Variants in LHFPL3 observed in about 807,000 individuals in gnomAD.
LHFPL3 encodes LHFPL tetraspan subfamily member 3.
A neutral mutation model predicts 19.3 loss-of-function variants in LHFPL3; 5 were observed. The observed-to-expected ratio is 0.26, with a 90% CI of 0.14 to 0.54. The LOEUF (loss-of-function observed/expected upper bound fraction) is 0.54, where lower values mean the gene tolerates loss of function less well. LHFPL3 is among the 20% of genes least tolerant of loss of function. The pLI is 0.94. For synonymous variants in LHFPL3, 133 were observed against 126.2 expected, an observed-to-expected ratio of 1.05 and a Z score of -0.36; for missense variants, 249 against 307.4, an observed-to-expected ratio of 0.81 and a Z score of 1.42.
At chr7:104,481,619 A>G (rs2115658790) in intron 1 of LHFPL3, among the ~76,000 whole-genome samples, 1 of 149,794 alleles carries the variant, frequency 6.7e-6, no homozygotes. Flanking sequence ...TGTCTAATTC[A>G]TCTGTCTCGG....
chr7:104,592,220 C>T (rs1344920166), intron 1 of LHFPL3, among the ~76,000 whole-genome samples: 1 of 152,118 alleles, frequency 6.6e-6, no homozygotes, highest in East Asian at 1.9e-4. Flanking sequence ...GAATTTTCAG[C>T]TTTTCTGCTC....
intron 2 of LHFPL3, among the ~76,000 whole-genome samples, chr7:104,828,466 C>CT (rs1584559708): frequency 6.6e-6 from 1 of 152,002 alleles, no homozygotes; most frequent in Non-Finnish European, 1.5e-5. Context: ...CCTCTGGTCT[C>CT]TTGTCTGAAA....
chr7:104,711,958 A>T (rs968450302), intron 1 of LHFPL3, among the ~76,000 whole-genome samples: 6 of 152,190 alleles, frequency 3.9e-5, no homozygotes, highest in Admixed American at 1.3e-4. Flanking sequence ...TGGTATACAG[A>T]ATAATCCTCC....
chr7:104,886,388 G>A (rs1297755125), intron 2 of LHFPL3, among the ~76,000 whole-genome samples: 1 of 152,068 alleles, frequency 6.6e-6, no homozygotes, highest in East Asian at 1.9e-4. Context: ...GTTTTTTTGA[G>A]ACAGTCTTGC....
intron 1 of LHFPL3, among the ~76,000 whole-genome samples, chr7:104,512,180 C>G (rs1270178960): frequency 1.3e-5 from 2 of 151,922 alleles, no homozygotes; most frequent in South Asian, 4.2e-4. Context: ...GTCTCAAAGT[C>G]CCAGCCTCAA....
chr7:104,757,867 A>G (rs1794313045), intron 2 of LHFPL3: 1 of 152,216 alleles, frequency 6.6e-6, no homozygotes, highest in Admixed American at 6.5e-5. Flanking sequence ...TACCCAGAGG[A>G]AAATAAATTG....
intron 1 of LHFPL3, among the ~76,000 whole-genome samples, chr7:104,606,861 C>G (rs997052627): frequency 6.6e-6 from 1 of 152,086 alleles, no homozygotes. Flanking sequence ...AAATGGTCCT[C>G]AGGCACTGAG....
intron 1 of LHFPL3, among the ~76,000 whole-genome samples, chr7:104,527,014 AC>A (rs1235989593): frequency 3.3e-5 from 5 of 152,214 alleles, no homozygotes; most frequent in African/African-American, 1.2e-4. Context: ...TGCTATTTAA[AC>A]AAAGGGTCAG....
At chr7:104,595,717 C>T (rs1047802648) in intron 1 of LHFPL3, among the ~76,000 whole-genome samples, 2 of 152,252 alleles carry the variant, frequency 1.3e-5, no homozygotes, top group African/African-American at 4.8e-5. Context: ...TGGGCTCCGC[C>T]CAGTTCGAGC....
chr7:104,790,190 T>C (rs1035671494), intron 2 of LHFPL3, among the ~76,000 whole-genome samples: 4 of 152,304 alleles, frequency 2.6e-5, no homozygotes, highest in African/African-American at 9.6e-5. Context: ...TTGAAATTGA[T>C]ATTAAAGCTT....
intron 1 of LHFPL3, among the ~76,000 whole-genome samples, chr7:104,381,262 C>G (rs1444574124): frequency 6.6e-6 from 1 of 152,100 alleles, no homozygotes; most frequent in Non-Finnish European, 1.5e-5. Flanking sequence ...AACAATAATT[C>G]AACAGAATGC....
intron 2 of LHFPL3, among the ~76,000 whole-genome samples, chr7:104,849,153 ACTCCTGGG>A (rs1791368883): frequency 6.6e-6 from 1 of 150,934 alleles, no homozygotes; most frequent in Non-Finnish European, 1.5e-5. Context: ...CTGGTCTTGA[ACTCCTGGG>A]CTCAAGCCAT....
chr7:104,742,934 T>C (rs1793962315), intron 2 of LHFPL3, among the ~76,000 whole-genome samples: 1 of 151,950 alleles, frequency 6.6e-6, no homozygotes, highest in African/African-American at 2.4e-5. Context: ...CTGGCCAATA[T>C]GGTGAAACCC....
chr7:104,444,261 A>C (rs1792283412), intron 1 of LHFPL3, among the ~76,000 whole-genome samples: 1 of 152,202 alleles, frequency 6.6e-6, no homozygotes, highest in Non-Finnish European at 1.5e-5. Flanking sequence ...GGCTCTGGCC[A>C]GGTGCACATC....
At chr7:104,868,016 C>A (rs1791762279) in intron 2 of LHFPL3, among the ~76,000 whole-genome samples, 2 of 152,140 alleles carry the variant, frequency 1.3e-5, no homozygotes, top group Admixed American at 6.5e-5. Flanking sequence ...AGGCCTTTGA[C>A]AAAATTCAAC....
intron 1 of LHFPL3, among the ~76,000 whole-genome samples, chr7:104,398,873 G>T (rs553851602): frequency 2.0e-5 from 3 of 152,148 alleles, no homozygotes; most frequent in South Asian, 4.2e-4. Context: ...TCCCTTAGAA[G>T]CTACGTGTCC....
intron 1 of LHFPL3, among the ~76,000 whole-genome samples, chr7:104,393,689 C>T (rs891252357): frequency 2.0e-5 from 3 of 152,054 alleles, no homozygotes; most frequent in Admixed American, 1.3e-4. Context: ...GCACTCCAGC[C>T]TGGGTAACAC....
intron 1 of LHFPL3, among the ~76,000 whole-genome samples, chr7:104,488,596 T>A (rs1428255356): frequency 6.6e-6 from 1 of 152,160 alleles, no homozygotes; most frequent in Non-Finnish European, 1.5e-5. Context: ...GAATTATACC[T>A]AGCCTGTCAT....
chr7:104,764,138 C>G (rs1275380649), intron 2 of LHFPL3, among the ~76,000 whole-genome samples: 2 of 152,072 alleles, frequency 1.3e-5, no homozygotes, highest in Non-Finnish European at 2.9e-5. Flanking sequence ...ACACACTTGC[C>G]CAGAAATGAT....
Sources: gnomAD v4.1 joint callset for allele counts (sites outside exome capture counted in the v4.1 genomes callset) on GRCh38, gnomAD v4.1.1 for gene constraint, MANE v1.5 for transcripts, NCBI Gene and HGNC (gene_info 2026-07-23, HGNC 2026-07-21) for gene names.